GPI: variants seen among roughly 807,000 people sequenced by gnomAD.
GPI encodes the protein D-hexose-6-phosphate anomerase.
In GPI, 56 loss-of-function variants were observed where a neutral mutation model predicts 75.8. That is an observed-to-expected ratio of 0.74 (90% CI 0.60 to 0.92). The LOEUF is 0.92. Among genes scored for constraint, GPI ranks in the 40% least tolerant of loss-of-function variants. The probability of loss-of-function intolerance (pLI) is 0.00; values close to 1 mark genes in which losing one functional copy is unlikely to be tolerated. For synonymous variants in GPI, 288 were observed against 285.4 expected (o/e 1.01, Z -0.09); for missense variants, 638 against 741.0 (o/e 0.86, Z 1.61).
chr19:34,365,586 G>T, intron 1 of GPI, 198 bp downstream of exon 1: 2 of 925,950 alleles, frequency 2.2e-6, no homozygotes, highest in Non-Finnish European at 3.3e-6. Context: ...TTGCAGCCTC[G>T]CCGGGAGTCT....
At chr19:34,381,616 A>C in intron 9 of GPI, 97 bp downstream of exon 9, 3 of 869,238 alleles carry the variant, frequency 3.5e-6, no homozygotes, top group Non-Finnish European at 6.0e-6. Flanking sequence ...TTTATTGAGT[A>C]CCTGCTGCAT....
intron 9 of GPI, among the ~76,000 whole-genome samples, chr19:34,382,152 C>G (rs534409096): frequency 6.6e-6 from 1 of 152,222 alleles, no homozygotes; most frequent in African/African-American, 2.4e-5. Flanking sequence ...ACTGTGAAGC[C>G]CAGGGTGCAG....
intron 9 of GPI, among the ~76,000 whole-genome samples, chr19:34,383,541 C>T (rs935952162): frequency 6.6e-6 from 1 of 152,200 alleles, no homozygotes; most frequent in Non-Finnish European, 1.5e-5. Flanking sequence ...CAGGTCAGCA[C>T]CTGCTTCTCA....
intron 4 of GPI, among the ~76,000 whole-genome samples, chr19:34,369,275 CT>C (rs1343531325): frequency 6.6e-6 from 1 of 152,016 alleles, no homozygotes; most frequent in Non-Finnish European, 1.5e-5. Context: ...TCTCAAACCC[CT>C]GACCTCAGGT....
At chr19:34,394,350 G>T (rs887907137) in intron 12 of GPI, among the ~76,000 whole-genome samples, 2 of 150,766 alleles carry the variant, frequency 1.3e-5, no homozygotes, top group South Asian at 4.2e-4. Flanking sequence ...CTCAGCTGGG[G>T]TCACTTCTTT....
chr19:34,394,571 A>G (rs942703328), intron 12 of GPI, among the ~76,000 whole-genome samples: 1 of 17,952 alleles, frequency 5.6e-5, no homozygotes, highest in African/African-American at 2.1e-4. Context: ...TTATCCCTCC[A>G]GAAAAGCAAG....
rs746884370 is a variant in GPI, at chr19:34,400,244, T to C, written c.*208T>C. On this transcript the variant is annotated 3_prime_UTR_variant, in exon 18 of 18. Transcript: ENST00000356487. ...ATGCTCCCTCTGTGTTAGAATTGGC[T>C]GAAGTGTTTTTGTGCAGCTGACTTT... is the stretch of plus-strand genomic sequence containing the variant. 1.3e-5 allele frequency: 8 copies of C among 630,392 alleles called. No homozygotes were observed. Among genetic ancestry groups the C allele is most frequent in the Non-Finnish European group, 2.3e-5 (8 of 353,368 alleles). The allele number at this position is 630,392 out of a possible 1,614,324, so 39.0% of individuals were successfully genotyped here. A position where few individuals can be genotyped will look rare whatever the true frequency, so the allele number is the denominator to read the frequency against.
In GPI at chr19:34,393,704, G is replaced by A. The variant is rs1385725813; in HGVS notation, c.866-24G>A. On this transcript the variant is annotated intron_variant, in intron 10 of 17. Coordinates refer to ENST00000356487, the MANE Select transcript of GPI (RefSeq NM_000175.5). The surrounding 1 kb of genome is among the most constrained non-coding windows in gnomAD (Gnocchi z 4.4). ...CAGGACGCAGGGTGTGGCCACTTCTGTTGACTCTGCTTTTGTGTCACAGGT... is the reference window on the plus strand; with the variant it reads ...CAGGACGCAGGGTGTGGCCACTTCTATTGACTCTGCTTTTGTGTCACAGGT... 6.8e-6 allele frequency: 11 copies of A among 1,613,164 alleles called. No individual in the cohort carries two copies. The highest frequency in any genetic ancestry group is 6.6e-5 in the South Asian group (6 of 91,058).
chr19:34,371,579 A>G (rs10403982), intron 4 of GPI, among the ~76,000 whole-genome samples: 1 of 152,080 alleles, frequency 6.6e-6, no homozygotes, highest in East Asian at 1.9e-4. Context: ...GGCTTGGTGC[A>G]GTGGCTCACA....
At chr19:34,392,819 C>T (rs568038849) in intron 9 of GPI, 86 of 235,154 alleles carry the variant, frequency 3.7e-4, no homozygotes, top group African/African-American at 3.6e-3. Flanking sequence ...GTATGAGGAT[C>T]TGGGTGTGTC....
upstream of GPI, chr19:34,363,343 A>C (rs2074312741): frequency 6.6e-6 from 1 of 152,076 alleles, no homozygotes. Flanking sequence ...AGAGGGAGTC[A>C]GTGGTTACTA....
At chr19:34,384,101 C>G (rs898438447) in intron 9 of GPI, among the ~76,000 whole-genome samples, 11 of 152,096 alleles carry the variant, frequency 7.2e-5, no homozygotes, top group African/African-American at 2.2e-4. Flanking sequence ...GATAGGCAGA[C>G]AGGTCGAGCT....
At chr19:34,396,547 G>A in intron 13 of GPI, 34 bp from the exon 14 acceptor site, 1 of 1,611,624 alleles carries the variant, frequency 6.2e-7, no homozygotes, top group Non-Finnish European at 8.5e-7. Context: ...CCCATGGGCT[G>A]GGGTCATGTG....
Position 34,391,853 on chromosome 19 carries a change from C to T in GPI, c.805-1395C>T, listed in dbSNP as rs574538143. On this transcript the variant is annotated intron_variant, in intron 9 of 17. Coordinates refer to ENST00000356487, the MANE Select transcript of GPI (RefSeq NM_000175.5). ...CTGTCAGTGACTGAGGAGGTAGGAT[C>T]TGGCATAAGCATGAGGATCTGGGTC... Among the ~76,000 whole-genome samples, 15 of 19,480 alleles carry T rather than the reference C, an allele frequency of 7.7e-4. No individual in the cohort carries two copies. In the South Asian group the frequency reaches 0.023, roughly 29 times the overall value. 12.8% of individuals were successfully genotyped at this position (19,480 alleles called of 152,430 possible). A position where few individuals can be genotyped will look rare whatever the true frequency, so the allele number is the denominator to read the frequency against.
intron 13 of GPI, 30 bp downstream of exon 13, chr19:34,396,460 G>A: frequency 2.5e-6 from 4 of 1,613,848 alleles, no homozygotes; most frequent in Non-Finnish European, 3.4e-6. Context: ...GAAGGGTGAT[G>A]TTGGGGGAGG....
At chr19:34,372,537 G>T (rs1016915383) in intron 4 of GPI, among the ~76,000 whole-genome samples, 1 of 152,174 alleles carries the variant, frequency 6.6e-6, no homozygotes, top group Non-Finnish European at 1.5e-5. Flanking sequence ...GGCTGCTTAG[G>T]AGGCTGAGGC....
intron 15 of GPI, 93 bp from the exon 16 acceptor site, chr19:34,399,463 T>C: frequency 6.4e-7 from 1 of 1,558,518 alleles, no homozygotes; most frequent in Non-Finnish European, 8.9e-7. Flanking sequence ...CTCACAGACC[T>C]GCACGTCTCA....
At chr19:34,370,509 G>A (rs551620220) in intron 4 of GPI, among the ~76,000 whole-genome samples, 10 of 152,070 alleles carry the variant, frequency 6.6e-5, no homozygotes, top group Non-Finnish European at 1.0e-4. Flanking sequence ...ATGTGAGGTC[G>A]GGAGTTTGAG....
At chr19:34,387,267 C>T (rs1350243310) in intron 9 of GPI, among the ~76,000 whole-genome samples, 1 of 152,216 alleles carries the variant, frequency 6.6e-6, no homozygotes, top group Non-Finnish European at 1.5e-5. Flanking sequence ...GAAACCATTG[C>T]ATCGATGCTC....
Sources: gnomAD v4.1 joint callset for allele counts (sites outside exome capture counted in the v4.1 genomes callset) on GRCh38, gnomAD v4.1.1 for gene constraint, Gnocchi (gnomAD v3.1) non-coding constraint, MANE v1.5 for transcripts, NCBI Gene and HGNC (gene_info 2026-07-23, HGNC 2026-07-21) for gene names.